PRKAG2: variants seen among roughly 807,000 people sequenced by gnomAD.
The protein encoded by PRKAG2 is protein kinase AMP-activated non-catalytic subunit gamma 2.
Under a neutral mutation model 69.6 loss-of-function variants are expected in PRKAG2, and 26 were observed. The observed-to-expected ratio is 0.37, with a 90% CI of 0.27 to 0.52. The LOEUF (loss-of-function observed/expected upper bound fraction) is 0.52. PRKAG2 is among the 20% of genes least tolerant of loss of function. The pLI is 0.90. For synonymous variants in PRKAG2, 293 were observed against 285.0 expected (o/e 1.03, Z -0.28); for missense variants, 557 against 740.0 (o/e 0.75, Z 2.87).
At chr7:151,718,429 C>T (rs569017842) in intron 3 of PRKAG2, among the ~76,000 whole-genome samples, 5 of 152,162 alleles carry the variant, frequency 3.3e-5, no homozygotes, top group South Asian at 2.1e-4. Flanking sequence ...CGTATGAATT[C>T]GGGGGACACG....
intron 1 of PRKAG2, chr7:151,809,428 C>G: frequency 2.8e-6 from 1 of 357,512 alleles, no homozygotes. Context: ...CCGGCAGGCG[C>G]TCGCTGTGGG....
chr7:151,852,430 G>A (rs1390808084), intron 1 of PRKAG2, among the ~76,000 whole-genome samples: 1 of 152,160 alleles, frequency 6.6e-6, no homozygotes, highest in Non-Finnish European at 1.5e-5. Flanking sequence ...AGGGGGTGGA[G>A]GTTGCAGTGA....
At chr7:151,776,691 C>A (rs1393673322) in intron 3 of PRKAG2, among the ~76,000 whole-genome samples, 1 of 152,252 alleles carries the variant, frequency 6.6e-6, no homozygotes, top group Non-Finnish European at 1.5e-5. Flanking sequence ...AGACCACACT[C>A]AGGCCTGGAG....
chr7:151,676,900 C>T (rs941269622), intron 3 of PRKAG2, among the ~76,000 whole-genome samples: 2 of 152,170 alleles, frequency 1.3e-5, no homozygotes, highest in East Asian at 1.9e-4. Flanking sequence ...GCAGAGGCAG[C>T]GATCGGAGCA....
At chr7:151,662,727 C>T (rs1360405226) in intron 4 of PRKAG2, among the ~76,000 whole-genome samples, 1 of 151,190 alleles carries the variant, frequency 6.6e-6, no homozygotes, top group African/African-American at 2.4e-5. Context: ...ACAGGGAGAA[C>T]CTATCTCTTC....
chr7:151,652,313 A>C (rs552792808), intron 4 of PRKAG2, among the ~76,000 whole-genome samples: 47 of 152,310 alleles, frequency 3.1e-4, no homozygotes, highest in African/African-American at 1.1e-3. Flanking sequence ...CCAAAACAAC[A>C]TATGGCAACA....
At chr7:151,575,225 C>A (rs541392353) in intron 7 of PRKAG2, among the ~76,000 whole-genome samples, 9 of 152,108 alleles carry the variant, frequency 5.9e-5, no homozygotes, top group South Asian at 4.1e-4. Context: ...TTAATTGATA[C>A]AAATTTGAAA....
intron 1 of PRKAG2, among the ~76,000 whole-genome samples, chr7:151,859,058 G>A (rs2151904635): frequency 6.6e-6 from 1 of 152,334 alleles, no homozygotes; most frequent in Non-Finnish European, 1.5e-5. Context: ...AAAATCCAGT[G>A]TCTCCTGAGG....
chr7:151,684,525 C>A (rs1834391185), intron 3 of PRKAG2, among the ~76,000 whole-genome samples: 1 of 152,122 alleles, frequency 6.6e-6, no homozygotes, highest in South Asian at 2.1e-4. Context: ...AAGCAAAGCA[C>A]CCTAGGACAC....
chr7:151,700,177 C>T (rs1044169017), intron 3 of PRKAG2, among the ~76,000 whole-genome samples: 1 of 152,200 alleles, frequency 6.6e-6, no homozygotes, highest in African/African-American at 2.4e-5. Flanking sequence ...GCAGCTCCTT[C>T]TGCAGCAGTG....
chr7:151,688,167 G>C (rs1380598527), intron 3 of PRKAG2, among the ~76,000 whole-genome samples: 1 of 152,008 alleles, frequency 6.6e-6, no homozygotes, highest in Non-Finnish European at 1.5e-5. Flanking sequence ...TGATGCCAGG[G>C]TGCCCAGTGA....
intron 3 of PRKAG2, among the ~76,000 whole-genome samples, chr7:151,723,667 G>C (rs1384906881): frequency 6.6e-6 from 1 of 152,192 alleles, no homozygotes; most frequent in Non-Finnish European, 1.5e-5. Context: ...AGTGGCAGTA[G>C]GTCCCCCTGT....
chr7:151,644,900 T>C (rs370638330), intron 4 of PRKAG2, among the ~76,000 whole-genome samples: 2 of 152,246 alleles, frequency 1.3e-5, no homozygotes, highest in South Asian at 4.1e-4. Context: ...ATAGGTTTCT[T>C]GCTGTGAGTT....
intron 3 of PRKAG2, among the ~76,000 whole-genome samples, chr7:151,742,391 G>A (rs1376463075): frequency 6.6e-6 from 1 of 152,178 alleles, no homozygotes; most frequent in East Asian, 1.9e-4. Context: ...ACTTTGGGAG[G>A]CTGAGGCGGG....
chr7:151,816,574 C>T (rs1169868914), intron 1 of PRKAG2, among the ~76,000 whole-genome samples: 2 of 152,180 alleles, frequency 1.3e-5, no homozygotes, highest in African/African-American at 2.4e-5. Context: ...TAAGCATCAT[C>T]CTGGGATGTG....
At chr7:151,675,338 A>G in intron 4 of PRKAG2, 82 bp downstream of exon 4, 1 of 1,362,238 alleles carries the variant, frequency 7.3e-7, no homozygotes, top group South Asian at 1.2e-5. Context: ...GGCTGCAGAT[A>G]GACTGCTCAG....
At chr7:151,695,734 G>C (rs1167417962) in intron 3 of PRKAG2, among the ~76,000 whole-genome samples, 1 of 152,180 alleles carries the variant, frequency 6.6e-6, no homozygotes, top group Admixed American at 6.5e-5. Context: ...GGGTGGCGTT[G>C]CTTCCAAGGT....
chr7:151,696,379 G>A (rs777203962), intron 3 of PRKAG2, among the ~76,000 whole-genome samples: 2 of 152,190 alleles, frequency 1.3e-5, no homozygotes, highest in East Asian at 1.9e-4. Context: ...CCGGGGCAGC[G>A]CAACGCCACA....
intron 4 of PRKAG2, among the ~76,000 whole-genome samples, chr7:151,642,762 T>C (rs1826943538): frequency 6.6e-6 from 1 of 152,238 alleles, no homozygotes; most frequent in South Asian, 2.1e-4. Flanking sequence ...TCAAAGGAAG[T>C]ATTGTTAAAC....
Sources: gnomAD v4.1 joint callset for allele counts (sites outside exome capture counted in the v4.1 genomes callset) on GRCh38, gnomAD v4.1.1 for gene constraint, MANE v1.5 for transcripts, NCBI Gene and HGNC (gene_info 2026-07-23, HGNC 2026-07-21) for gene names.